SS18: variants seen among roughly 807,000 people sequenced by gnomAD.
The protein encoded by SS18 is SS18 subunit of BAF chromatin remodeling complex.
A neutral mutation model predicts 72.5 loss-of-function variants in SS18; 28 were observed. The ratio of observed to expected loss-of-function variants is 0.39; its 90% CI spans 0.29 to 0.53. The LOEUF (loss-of-function observed/expected upper bound fraction) is 0.53. Among genes scored for constraint, SS18 ranks in the 20% least tolerant of loss-of-function variants. The pLI is 0.76. For missense variants in SS18, 518 were observed against 535.3 expected (o/e 0.97, Z 0.32); for synonymous variants, 172 against 164.2 (o/e 1.05, Z -0.37).
chr18:26,036,013 A>G (rs1190774889), intron 7 of SS18, 90 bp from the exon 8 acceptor site: 56 of 820,582 alleles, frequency 6.8e-5, no homozygotes, highest in Non-Finnish European at 9.1e-5. Flanking sequence ...TAAAATTGAA[A>G]AAAAAGAAAA....
chr18:26,035,848 T>C lies in SS18; in HGVS notation c.956A>G (p.Gln319Arg), dbSNP rs1328220905. The C allele has an allele frequency of 1.2e-6, 2 of 1,600,108 alleles. No homozygotes were observed. The highest frequency in any genetic ancestry group is 1.7e-5 in the Admixed American group (1 of 59,006). Residue 319 changes from glutamine (Q) to arginine (R), a missense_variant, in exon 8 of 11, where the codon CAA (glutamine) becomes CGA (arginine). Transcript: ENST00000415083. The surrounding 1 kb of genome is among the most constrained non-coding windows in gnomAD (Gnocchi z 4.4). The part of the protein sequence containing the change: ...GYDRPYEDSS[Q>R]HYYEGGNSQY... ...ATAGATACCTCCTTCGTAGTAATGT[T>C]GTGAGGAATCCTCATAAGGCCTATC... is the stretch of plus-strand genomic sequence containing the variant.
chr18:26,090,441 C>A (rs1391365940), intron 1 of SS18, 60 bp downstream of exon 1: 3 of 1,520,028 alleles, frequency 2.0e-6, no homozygotes, highest in East Asian at 2.5e-5. Flanking sequence ...CCCTTCCCCC[C>A]GCGTCTGTCT....
intron 9 of SS18, among the ~76,000 whole-genome samples, chr18:26,033,094 A>G (rs1397905022): frequency 6.6e-6 from 1 of 152,258 alleles, no homozygotes; most frequent in Non-Finnish European, 1.5e-5. Flanking sequence ...ACATGTGAAA[A>G]AACTTGATTC....
chr18:26,041,151 G>GCA, intron 5 of SS18, among the ~76,000 whole-genome samples: 1 of 152,304 alleles, frequency 6.6e-6, no homozygotes, highest in Non-Finnish European at 1.5e-5. Context: ...AGCCAGGAGT[G>GCA]GTGGCTCACA....
intron 7 of SS18, among the ~76,000 whole-genome samples, chr18:26,036,980 GTATT>G (rs1279534421): frequency 1.3e-5 from 2 of 152,046 alleles, no homozygotes; most frequent in Non-Finnish European, 2.9e-5. Flanking sequence ...AAAGACTAAA[GTATT>G]TATTATCTGG....
chr18:26,020,344 T>A (rs1002650512), intron 10 of SS18, among the ~76,000 whole-genome samples: 1 of 152,102 alleles, frequency 6.6e-6, no homozygotes. Flanking sequence ...GGAGAGGACA[T>A]GAGAAAGCGC....
rs951806732 is a variant in SS18, at chr18:26,090,609, CG to C, written c.-41del. 9 of 1,547,880 alleles carry C rather than the reference CG, an allele frequency of 5.8e-6. No homozygotes were observed. The African/African-American group carries it at 1.2e-4, about 21-fold the overall frequency. On this transcript the variant is annotated 5_prime_UTR_variant, in exon 1 of 11. Transcript: ENST00000415083. The stretch of plus-strand genomic sequence containing the variant: ...CACTATCGGCAAGTCCCGAGCGCTC[CG>C]GGTGAACGGCAAACTGGGGGAGAGA...
At chr18:26,050,633 AT>A (rs1170793763) in intron 5 of SS18, among the ~76,000 whole-genome samples, 1 of 152,110 alleles carries the variant, frequency 6.6e-6, no homozygotes, top group Non-Finnish European at 1.5e-5. Flanking sequence ...GGTAACTGTA[AT>A]TTTGTGTTCT....
chr18:26,083,371 A>C (rs1322157098), intron 2 of SS18, among the ~76,000 whole-genome samples: 1 of 152,126 alleles, frequency 6.6e-6, no homozygotes, highest in East Asian at 1.9e-4. Flanking sequence ...GTTCTTAAAA[A>C]CCAAAGGCAA....
chr18:26,020,297 T>C (rs2053325701), intron 10 of SS18, among the ~76,000 whole-genome samples: 2 of 152,206 alleles, frequency 1.3e-5, no homozygotes, highest in African/African-American at 2.4e-5. Flanking sequence ...GCTACATTAA[T>C]TCCTGTACCT....
chr18:26,070,884 A>G (rs2054299433), intron 3 of SS18, among the ~76,000 whole-genome samples: 1 of 152,212 alleles, frequency 6.6e-6, no homozygotes, highest in Non-Finnish European at 1.5e-5. Context: ...CTCAAACTAT[A>G]GTTAGTAACA....
chr18:26,060,075 T>C (rs2054092071), intron 3 of SS18, among the ~76,000 whole-genome samples: 1 of 152,182 alleles, frequency 6.6e-6, no homozygotes, highest in Non-Finnish European at 1.5e-5. Context: ...AAAACACACA[T>C]TCACGCAAAA....
At chr18:26,079,023 T>C (rs145001349) in intron 2 of SS18, 180 of 152,404 alleles carry the variant, frequency 1.2e-3, no homozygotes, top group African/African-American at 4.3e-3. Flanking sequence ...TTTTTTCCTT[T>C]TCACTACTGT....
At position 26,022,515 on chromosome 18, in the gene SS18, T is replaced by A. The variant is rs148178279; in HGVS notation, c.1231-4135A>T. Reference sequence around the variant, plus strand: ...GGACAGAGCCAACAAAGGACAATGATCCCTGAGACATGGTAAACAAATGAG... The same window carrying A: ...GGACAGAGCCAACAAAGGACAATGAACCCTGAGACATGGTAAACAAATGAG... On this transcript the variant is annotated intron_variant, in intron 10 of 10. Transcript: ENST00000415083. Among the ~76,000 whole-genome samples the A allele has an allele frequency of 7.6e-3, 1,152 of 150,842 alleles. 7 individuals are homozygous for A. The highest frequency in any genetic ancestry group is 0.012 in the Non-Finnish European group (806 of 67,864).
At chr18:26,069,507 TAAAAA>T (rs11329781) in intron 3 of SS18, among the ~76,000 whole-genome samples, 3 of 86,002 alleles carry the variant, frequency 3.5e-5, no homozygotes, top group Non-Finnish European at 6.0e-5. Context: ...CCTACCAAAG[TAAAAA>T]AAAAAAAAAA....
intron 10 of SS18, among the ~76,000 whole-genome samples, chr18:26,028,490 G>T (rs2053489313): frequency 2.0e-5 from 3 of 152,082 alleles, no homozygotes; most frequent in Admixed American, 6.5e-5. Context: ...ATGTCCCCAG[G>T]GACTTGTCCA....
chr18:26,035,847 TTG>T lies in SS18; in HGVS notation c.955_956del (p.Gln319ThrfsTer59). Reference protein sequence around the residue: ...GYDRPYEDSSQHYYEGGNSQY... With the variant: ...GYDRPYEDSSXHYYEGGNSQY... The stretch of plus-strand genomic sequence containing the variant: ...TATAGATACCTCCTTCGTAGTAATG[TTG>T]TGAGGAATCCTCATAAGGCCTATCG... On this transcript the variant is annotated frameshift_variant, in exon 8 of 11. Transcript: ENST00000415083. LOFTEE classifies it high-confidence loss of function. The surrounding 1 kb of genome is among the most constrained non-coding windows in gnomAD (Gnocchi z 4.4). The T allele has an allele frequency of 6.3e-7, 1 of 1,599,916 alleles. No individual in the cohort carries two copies. Among genetic ancestry groups the T allele is most frequent in the Non-Finnish European group, 8.5e-7 (1 of 1,171,384 alleles).
chr18:26,072,554 T>A (rs1233360208), intron 3 of SS18, among the ~76,000 whole-genome samples: 1 of 151,846 alleles, frequency 6.6e-6, no homozygotes, highest in Non-Finnish European at 1.5e-5. Flanking sequence ...GCGCAGCACT[T>A]TGGGAGGCCA....
intron 3 of SS18, among the ~76,000 whole-genome samples, chr18:26,058,103 T>C (rs73944451): frequency 0.011 from 1,660 of 152,302 alleles, 28 homozygotes; most frequent in African/African-American, 0.038. Context: ...GGATTTTACC[T>C]AAAAATGTAC....
Sources: gnomAD v4.1 joint callset for allele counts (sites outside exome capture counted in the v4.1 genomes callset) on GRCh38, gnomAD v4.1.1 for gene constraint, Gnocchi (gnomAD v3.1) non-coding constraint, MANE v1.5 for transcripts, NCBI Gene and HGNC (gene_info 2026-07-23, HGNC 2026-07-21) for gene names.